RAB11FIP4: variants seen among roughly 807,000 people sequenced by gnomAD.
RAB11FIP4 encodes the protein rab11 family-interacting protein 4.
A neutral mutation model predicts 74.3 loss-of-function variants in RAB11FIP4; 23 were observed. The observed-to-expected ratio is 0.31, with a 90% CI of 0.22 to 0.44. The LOEUF is 0.44. Among genes scored for constraint, RAB11FIP4 ranks in the 20% least tolerant of loss-of-function variants. RAB11FIP4 has a pLI of 1.00. For missense variants in RAB11FIP4, 630 were observed against 863.9 expected (o/e 0.73, Z 3.39); for synonymous variants, 360 against 359.9 (o/e 1.00, Z 0.00).
chr17:31,437,533 A>C lies in RAB11FIP4; in HGVS notation c.336+3411A>C, dbSNP rs144895117. Among the ~76,000 whole-genome samples the C allele has an allele frequency of 3.7e-4, 57 of 152,162 alleles. No individual in the cohort carries two copies. The South Asian group carries it at 4.6e-3, about 12-fold the overall frequency. On this transcript the variant is annotated intron_variant, in intron 3 of 14. Transcript: ENST00000621161. ...TCCCAGATGCCCCCAGGGAACGCAA[A>C]CCTGAGGCATGATTTGAGGAGGTGT...
chr17:31,482,905 T>C (rs1398860833), intron 3 of RAB11FIP4, among the ~76,000 whole-genome samples: 1 of 151,796 alleles, frequency 6.6e-6, no homozygotes, highest in Non-Finnish European at 1.5e-5. Flanking sequence ...GCAGAAATAA[T>C]GTCCTCTGGC....
intron 3 of RAB11FIP4, among the ~76,000 whole-genome samples, chr17:31,516,119 T>C (rs2072541782): frequency 6.6e-6 from 1 of 152,128 alleles, no homozygotes; most frequent in Admixed American, 6.6e-5. Flanking sequence ...ATCAGCACAG[T>C]GATCCTGTAA....
At chr17:31,406,186 G>T (rs1362520449) in intron 1 of RAB11FIP4, among the ~76,000 whole-genome samples, 1 of 152,254 alleles carries the variant, frequency 6.6e-6, no homozygotes, top group East Asian at 1.9e-4. Context: ...CAGGCTCACT[G>T]CAGAAAGCCT....
At chr17:31,513,720 A>G (rs887275682) in intron 3 of RAB11FIP4, among the ~76,000 whole-genome samples, 13 of 152,258 alleles carry the variant, frequency 8.5e-5, no homozygotes, top group African/African-American at 2.7e-4. Context: ...TGCCTTGGAC[A>G]AACAACTGTG....
At chr17:31,408,006 TA>T (rs961267584) in intron 1 of RAB11FIP4, among the ~76,000 whole-genome samples, 1,816 of 148,672 alleles carry the variant, frequency 0.012, 39 homozygotes, top group African/African-American at 0.041. Context: ...ATTGTTCTGT[TA>T]AAAAAAAAAA....
At chr17:31,402,923 C>T (rs534506524) in intron 1 of RAB11FIP4, among the ~76,000 whole-genome samples, 5 of 152,056 alleles carry the variant, frequency 3.3e-5, no homozygotes, top group Admixed American at 6.5e-5. Flanking sequence ...CCGCGCCTGG[C>T]CAGATTATTT....
At chr17:31,448,887 GTC>G (rs2142700421) in intron 3 of RAB11FIP4, among the ~76,000 whole-genome samples, 1 of 152,308 alleles carries the variant, frequency 6.6e-6, no homozygotes, top group South Asian at 2.1e-4. Context: ...CATTTGGCAA[GTC>G]GCTTCACCTC....
chr17:31,431,905 G>C lies in RAB11FIP4; in HGVS notation c.247+5G>C, dbSNP rs2071313180. On this transcript the variant is annotated splice_donor_5th_base_variant and intron_variant, in intron 2 of 14. Transcript: ENST00000621161. ...GGGGGGTGTTCGCCATGAAAGGTGA[G>C]GTCTTCCCGGGAGGCTTTCCCAGGC... The C allele has an allele frequency of 1.2e-6, 2 of 1,607,270 alleles. No individual in the cohort carries two copies. The highest frequency in any genetic ancestry group is 1.7e-5 in the Admixed American group (1 of 59,640).
chr17:31,478,545 C>T (rs552292311), intron 3 of RAB11FIP4, among the ~76,000 whole-genome samples: 1 of 152,262 alleles, frequency 6.6e-6, no homozygotes, highest in South Asian at 2.1e-4. Context: ...GCTGATTTGA[C>T]CACAGATCAA....
intron 3 of RAB11FIP4, among the ~76,000 whole-genome samples, chr17:31,493,283 G>A (rs1043910267): frequency 1.3e-5 from 2 of 152,166 alleles, no homozygotes; most frequent in Non-Finnish European, 2.9e-5. Context: ...AATATCTGTG[G>A]CTCTGCTCAT....
chr17:31,519,107 C>T (rs907707724), intron 4 of RAB11FIP4, among the ~76,000 whole-genome samples: 9 of 150,714 alleles, frequency 6.0e-5, no homozygotes, highest in Admixed American at 4.6e-4. Flanking sequence ...CTCCACCTCC[C>T]GGGTTCATGC....
intron 3 of RAB11FIP4, among the ~76,000 whole-genome samples, chr17:31,510,299 C>T (rs2072427988): frequency 6.6e-6 from 1 of 152,224 alleles, no homozygotes; most frequent in Non-Finnish European, 1.5e-5. Context: ...AGATTCATCA[C>T]AGGCCTAGCC....
intron 8 of RAB11FIP4, 111 bp downstream of exon 8, chr17:31,523,722 A>C: frequency 8.6e-7 from 1 of 1,166,280 alleles, no homozygotes; most frequent in South Asian, 1.2e-5. Context: ...CCTGCCTAGG[A>C]ATTGGGGGCA....
intron 14 of RAB11FIP4, among the ~76,000 whole-genome samples, chr17:31,530,687 G>A (rs940484689): frequency 3.3e-5 from 5 of 152,196 alleles, no homozygotes; most frequent in African/African-American, 1.2e-4. Flanking sequence ...AGGAGTGCGG[G>A]TTTGGTTCAG....
Position 31,476,725 on chromosome 17 carries a change from A to C in RAB11FIP4, c.337-40926A>C, listed in dbSNP as rs575761122. On this transcript the variant is annotated intron_variant, in intron 3 of 14. Transcript: ENST00000621161. ...GCCTCCCCACTGCACTGGCCTCTCC[A>C]GTTTCTACGTGAACACAGAAGCTCC... 4.9e-4 allele frequency among the ~76,000 whole-genome samples: 75 copies of C among 152,292 alleles called. 1 individual carries two copies. The South Asian group carries it at 0.015, about 30-fold the overall frequency.
At chr17:31,431,772 T>G (rs775475976) in intron 1 of RAB11FIP4, 41 bp from the exon 2 acceptor site, 2 of 1,304,912 alleles carry the variant, frequency 1.5e-6, no homozygotes, top group Admixed American at 1.7e-5. Context: ...CTTCGGGAGA[T>G]CCTTGGGTGT....
chr17:31,525,217 C>T lies in RAB11FIP4; in HGVS notation c.1261C>T (p.Leu421=). Residue 421 remains leucine (L), a synonymous_variant, in exon 10 of 15, where the codon CTG becomes TTG. Coordinates refer to ENST00000621161, the MANE Select transcript of RAB11FIP4 (RefSeq NM_032932.6). The stretch of plus-strand genomic sequence containing the variant: ...GAGGGAGAAGGCTACCGAGGTGGAG[C>T]TGCTCAATGCCAGGTGGGCCCCTCC... ...LEREKATEVE[L]LNARVQQLEE... 6.5e-7 allele frequency: 1 copy of T among 1,546,938 alleles called. No homozygotes were observed. Among genetic ancestry groups the T allele is most frequent in the Non-Finnish European group, 8.7e-7 (1 of 1,145,984 alleles).
chr17:31,429,315 G>A (rs1433902114), intron 1 of RAB11FIP4, among the ~76,000 whole-genome samples: 1 of 152,230 alleles, frequency 6.6e-6, no homozygotes, highest in African/African-American at 2.4e-5. Flanking sequence ...GCTTTCTGCA[G>A]TGAGGTCGGG....
rs551960111 is a variant in RAB11FIP4, at chr17:31,445,642, A to G, written c.336+11520A>G. On this transcript the variant is annotated intron_variant, in intron 3 of 14. Coordinates refer to ENST00000621161, the MANE Select transcript of RAB11FIP4 (RefSeq NM_032932.6). ...GCTCTGTCACCCAGGCTGGAGTGCAATGGCGTGATCTCCGCTCACCGCAAC... is the reference window on the plus strand; with the variant it reads ...GCTCTGTCACCCAGGCTGGAGTGCAGTGGCGTGATCTCCGCTCACCGCAAC... Among the ~76,000 whole-genome samples the G allele has an allele frequency of 1.0e-3, 142 of 136,882 alleles. No homozygotes were observed. The Middle Eastern group carries it at 0.019, about 18-fold the overall frequency. 89.8% of individuals were successfully genotyped at this position (136,882 alleles called of 152,430 possible).
Sources: gnomAD v4.1 joint callset for allele counts (sites outside exome capture counted in the v4.1 genomes callset) on GRCh38, gnomAD v4.1.1 for gene constraint, MANE v1.5 for transcripts, NCBI Gene and HGNC (gene_info 2026-07-23, HGNC 2026-07-21) for gene names.